ADAMTS3: variants seen among roughly 807,000 people sequenced by gnomAD.
ADAMTS3 encodes ADAM metallopeptidase with thrombospondin type 1 motif 3, also known as A disintegrin and metalloproteinase with thrombospondin motifs 3.
Under a neutral mutation model 129.0 loss-of-function variants are expected in ADAMTS3, and 73 were observed. That is an observed-to-expected ratio of 0.57 (90% CI 0.47 to 0.69). The LOEUF (loss-of-function observed/expected upper bound fraction) is 0.69, where lower values mean the gene tolerates loss of function less well. Among genes scored for constraint, ADAMTS3 ranks in the 30% least tolerant of loss-of-function variants. The probability of loss-of-function intolerance (pLI) is 0.00; values close to 1 mark genes in which losing one functional copy is unlikely to be tolerated. For missense variants in ADAMTS3, 1,457 were observed against 1,514.5 expected (o/e 0.96, Z 0.63); for synonymous variants, 477 against 510.8 (o/e 0.93, Z 0.89).
chr4:72,508,624 C>A (rs1025707378), intron 3 of ADAMTS3, among the ~76,000 whole-genome samples: 1 of 152,022 alleles, frequency 6.6e-6, no homozygotes, highest in African/African-American at 2.4e-5. Context: ...TTTCATAATA[C>A]CAATATTGAA....
chr4:72,427,856 T>G (rs1197544253), intron 3 of ADAMTS3, among the ~76,000 whole-genome samples: 1 of 152,038 alleles, frequency 6.6e-6, no homozygotes, highest in East Asian at 1.9e-4. Context: ...ATTGTAGATG[T>G]GCTGCAACAC....
At chr4:72,456,620 G>A (rs1489502345) in intron 3 of ADAMTS3, among the ~76,000 whole-genome samples, 1 of 150,924 alleles carries the variant, frequency 6.6e-6, no homozygotes, top group South Asian at 2.1e-4. Flanking sequence ...ACTTACATCT[G>A]CCAAAAATGC....
rs193073635 is a variant in ADAMTS3 at position 72,542,309 on chromosome 4, C to T, written c.504+6169G>A. ...CCTCCCGAGTCGCTGGGACTACAGG[C>T]GCCCACCACCACGCCCGGCTAATTT... On this transcript the variant is annotated intron_variant, in intron 3 of 21. Coordinates refer to ENST00000286657, the MANE Select transcript of ADAMTS3 (RefSeq NM_014243.3). 2.6e-3 allele frequency among the ~76,000 whole-genome samples: 394 copies of T among 152,160 alleles called. 2 individuals carry two copies. Among genetic ancestry groups the T allele is most frequent in the East Asian group, 0.013 (67 of 5,164 alleles).
rs1721531852 is a variant in ADAMTS3, at chr4:72,548,698, A to G, written c.284T>C (p.Leu95Pro). 1.2e-6 allele frequency: 2 copies of G among 1,613,928 alleles called. No homozygotes were observed. Among genetic ancestry groups the G allele is most frequent in the Admixed American group, 1.7e-5 (1 of 59,974 alleles). The change falls in exon 3 of 22, where the codon CTA becomes CCA. Residue 95 changes from leucine (L) to proline (P), a missense_variant. Physicochemically the swap from Leu to Pro is moderately conservative, Grantham distance 98. Coordinates refer to ENST00000286657, the MANE Select transcript of ADAMTS3 (RefSeq NM_014243.3). Reference sequence around the variant, plus strand: ...AGCTACTAGTTGAGTGTTGGGCTTTAGTCGCAGATGAAAATCTTTTCCAAA... The same window carrying G: ...AGCTACTAGTTGAGTGTTGGGCTTTGGTCGCAGATGAAAATCTTTTCCAAA... ...TAFGKDFHLR[L>P]KPNTQLVAPG...
chr4:72,523,911 C>A (rs925092964), intron 3 of ADAMTS3, among the ~76,000 whole-genome samples: 1 of 151,908 alleles, frequency 6.6e-6, no homozygotes. Context: ...TTGAATTTGA[C>A]CCTATTGGGG....
intron 3 of ADAMTS3, among the ~76,000 whole-genome samples, chr4:72,430,894 G>T (rs1447312355): frequency 6.6e-6 from 1 of 150,554 alleles, no homozygotes; most frequent in Non-Finnish European, 1.5e-5. Context: ...TGAGGCAAGA[G>T]ATTATAATAT....
At chr4:72,398,978 G>C (rs1379991759) in intron 4 of ADAMTS3, among the ~76,000 whole-genome samples, 3 of 152,164 alleles carry the variant, frequency 2.0e-5, no homozygotes, top group African/African-American at 7.2e-5. Context: ...ACAAATTGCA[G>C]AGAATCTTTG....
At chr4:72,432,543 T>TA (rs1474134318) in intron 3 of ADAMTS3, among the ~76,000 whole-genome samples, 3 of 151,946 alleles carry the variant, frequency 2.0e-5, no homozygotes, top group Non-Finnish European at 4.4e-5. Flanking sequence ...TCCTCTCAGT[T>TA]AAACATTTTA....
rs893668080 is a variant in ADAMTS3, at chr4:72,323,398, A to G, written c.862-301T>C. Among the ~76,000 whole-genome samples the G allele has an allele frequency of 3.9e-5, 6 of 152,340 alleles. No individual in the cohort carries two copies. The East Asian group carries it at 9.6e-4, about 24-fold the overall frequency. ...ATGTGTGATGTAATCCAAATATAAC[A>G]TTAGCCAAAAGCAACCACAGGAGGG... On this transcript the variant is annotated intron_variant, in intron 5 of 21. Coordinates refer to ENST00000286657, the MANE Select transcript of ADAMTS3 (RefSeq NM_014243.3).
At chr4:72,467,820 C>T (rs1343447315) in intron 3 of ADAMTS3, among the ~76,000 whole-genome samples, 3 of 152,000 alleles carry the variant, frequency 2.0e-5, no homozygotes, top group Non-Finnish European at 4.4e-5. Flanking sequence ...TATAGCACTC[C>T]CCATAGATGG....
At chr4:72,362,163 T>C (rs1180650597) in intron 4 of ADAMTS3, among the ~76,000 whole-genome samples, 2 of 4,040 alleles carry the variant, frequency 5.0e-4, no homozygotes, top group African/African-American at 5.8e-4. Context: ...GTCTTTCTAC[T>C]AATTGTTAAG....
intron 4 of ADAMTS3, among the ~76,000 whole-genome samples, chr4:72,354,949 ACTTAAATTAT>A (rs1720540510): frequency 6.6e-6 from 1 of 151,996 alleles, no homozygotes; most frequent in African/African-American, 2.4e-5. Context: ...ACATTCTGCC[ACTTAAATTAT>A]CTTCTATAAA....
In ADAMTS3 at chr4:72,288,753, T is replaced by C. The variant is rs376352933; in HGVS notation, c.3047A>G (p.Asn1016Ser). 2.9e-5 allele frequency: 47 copies of C among 1,606,002 alleles called. No homozygotes were observed. The African/African-American group carries it at 5.2e-4, about 18-fold the overall frequency. ...AAGTCAATTGGTGTGACACCTACCA[T>C]TACAAGGAGGCAGTTGACAGGCTCT... ...SVRACQLPPC[N>S]DEPCLGDKSI... Residue 1016 changes from asparagine to serine, a missense_variant and splice_region_variant, in exon 21 of 22, where the codon AAT becomes AGT. Coordinates refer to ENST00000286657, the MANE Select transcript of ADAMTS3 (RefSeq NM_014243.3).
In ADAMTS3 at chr4:72,315,983, A is replaced by G. The variant is rs771054153; in HGVS notation, c.1486-12T>C. On this transcript the variant is annotated splice_polypyrimidine_tract_variant and intron_variant, in intron 10 of 21. Coordinates refer to ENST00000286657, the MANE Select transcript of ADAMTS3 (RefSeq NM_014243.3). Reference sequence around the variant, plus strand: ...TCAAAGGTTCGGAACTGGAAGATAGATAATCAAATTGTCAGTGAACTCTCA... The same window carrying G: ...TCAAAGGTTCGGAACTGGAAGATAGGTAATCAAATTGTCAGTGAACTCTCA... The G allele has an allele frequency of 7.1e-6, 11 of 1,551,678 alleles. No individual in the cohort carries two copies. Among genetic ancestry groups the G allele is most frequent in the African/African-American group, 1.4e-5 (1 of 73,134 alleles).
At chr4:72,539,608 T>C (rs1721271809) in intron 3 of ADAMTS3, among the ~76,000 whole-genome samples, 1 of 152,104 alleles carries the variant, frequency 6.6e-6, no homozygotes, top group Non-Finnish European at 1.5e-5. Flanking sequence ...TTATATGGTC[T>C]GGCTGTGTCC....
rs778717871 is a variant in ADAMTS3 at position 72,319,339 on chromosome 4, A to C, written c.1345T>G (p.Tyr449Asp). The change falls in exon 9 of 22, where the codon TAT becomes GAT. Residue 449 changes from tyrosine (Y) to aspartate (D), a missense_variant. By Grantham distance (160) the Tyr-to-Asp change is radical (BLOSUM62 -3). Coordinates refer to ENST00000286657, the MANE Select transcript of ADAMTS3 (RefSeq NM_014243.3). ...SRCSGQELKRYIHSYDCLLDD... is the reference protein window; with the variant it reads ...SRCSGQELKRDIHSYDCLLDD... ...ATGCAGCAGGGGACATACTGGATAT[A>C]TCTTTTCAGTTCTTGACCACTGCAT... 9 of 1,613,938 alleles carry C rather than the reference A, an allele frequency of 5.6e-6. No homozygotes were observed. In the Middle Eastern group the frequency reaches 9.9e-4, roughly 178 times the overall value.
chr4:72,416,773 T>C lies in ADAMTS3; in HGVS notation c.505-1802A>G, dbSNP rs77522162. ...CAAATTTTAATTTTAATCTATTCTA[T>C]ATTATGGTCATATTATTTTATCTCC... On this transcript the variant is annotated intron_variant, in intron 3 of 21. Transcript: ENST00000286657. Among the ~76,000 whole-genome samples, 1,090 of 152,284 alleles carry C rather than the reference T, an allele frequency of 7.2e-3. 17 individuals are homozygous for C. Among genetic ancestry groups the C allele is most frequent in the African/African-American group, 0.025 (1,030 of 41,538 alleles).
chr4:72,545,517 G>A (rs1041801382), intron 3 of ADAMTS3, among the ~76,000 whole-genome samples: 1 of 152,140 alleles, frequency 6.6e-6, no homozygotes, highest in South Asian at 2.1e-4. Flanking sequence ...AGGGGCCAAT[G>A]TCTGTTGCTT....
At chr4:72,564,097 A>G (rs1721968679) in intron 2 of ADAMTS3, among the ~76,000 whole-genome samples, 2 of 152,168 alleles carry the variant, frequency 1.3e-5, no homozygotes, top group African/African-American at 2.4e-5. Context: ...TGAGGAACAG[A>G]AATAGGACAG....
Sources: gnomAD v4.1 joint callset for allele counts (sites outside exome capture counted in the v4.1 genomes callset) on GRCh38, gnomAD v4.1.1 for gene constraint, MANE v1.5 for transcripts, NCBI Gene and HGNC (gene_info 2026-07-23, HGNC 2026-07-21) for gene names.